The following UBE2Q2 variants were observed in gnomAD, a reference collection of about 807,000 sequenced individuals.
UBE2Q2 encodes the protein ubiquitin-conjugating enzyme E2 Q2.
In UBE2Q2, 54 loss-of-function variants were observed where a neutral mutation model predicts 59.9. That is an observed-to-expected ratio of 0.90 (90% CI 0.72 to 1.13). The LOEUF is 1.13. Among genes scored for constraint, UBE2Q2 ranks in the 50% most tolerant of loss-of-function variants. The pLI is 0.00. For missense variants in UBE2Q2, 433 were observed against 441.9 expected, an observed-to-expected ratio of 0.98 and a Z score of 0.18; for synonymous variants, 165 against 155.2, an observed-to-expected ratio of 1.06 and a Z score of -0.47.
At chr15:75,893,613 A>T (rs1439250787) in intron 11 of UBE2Q2, among the ~76,000 whole-genome samples, 1 of 152,220 alleles carries the variant, frequency 6.6e-6, no homozygotes, top group Non-Finnish European at 1.5e-5. Flanking sequence ...CTCTGTACCC[A>T]ATAATTAGAT....
chr15:75,863,412 G>T (rs1212853071), intron 3 of UBE2Q2, among the ~76,000 whole-genome samples: 2 of 151,668 alleles, frequency 1.3e-5, no homozygotes, highest in Non-Finnish European at 2.9e-5. Flanking sequence ...TATGTGTTCA[G>T]TATTCACTTT....
intron 1 of UBE2Q2, among the ~76,000 whole-genome samples, chr15:75,849,629 G>A (rs1334380217): frequency 6.6e-6 from 1 of 152,208 alleles, no homozygotes; most frequent in African/African-American, 2.4e-5. Flanking sequence ...TGGTGGGGAT[G>A]GTAGTGGTGA....
At chr15:75,846,818 A>G (rs1012188748) in intron 1 of UBE2Q2, among the ~76,000 whole-genome samples, 5 of 152,172 alleles carry the variant, frequency 3.3e-5, no homozygotes, top group Non-Finnish European at 5.9e-5. Context: ...TGTTTGAGAA[A>G]CTAAGTTGTT....
At chr15:75,858,897 T>A (rs1317942129) in intron 2 of UBE2Q2, among the ~76,000 whole-genome samples, 25 of 152,266 alleles carry the variant, frequency 1.6e-4, no homozygotes, top group Admixed American at 1.6e-3. Context: ...TTTGCTCCGT[T>A]GTCCACTTTG....
chr15:75,898,589 C>G (rs75175361), intron 12 of UBE2Q2, among the ~76,000 whole-genome samples: 2,572 of 152,216 alleles, frequency 0.017, 65 homozygotes, highest in African/African-American at 0.058. Flanking sequence ...TACAATAGCT[C>G]AAGATGGATT....
rs966869497 is a variant in UBE2Q2, at chr15:75,889,941, T to C, written c.885-494T>C. On this transcript the variant is annotated intron_variant, in intron 9 of 12. Transcript: ENST00000267938. ...GGAGTCCCAGAGAGAAGCTCCATGG[T>C]CAGAACCATTTGATTCTCACAACAG... Among the ~76,000 whole-genome samples the C allele has an allele frequency of 8.5e-5, 13 of 152,278 alleles. No homozygotes were observed. The East Asian group carries it at 2.1e-3, about 25-fold the overall frequency.
chr15:75,844,288 G>C, intron 1 of UBE2Q2: 2 of 1,542,618 alleles, frequency 1.3e-6, no homozygotes, highest in Non-Finnish European at 1.8e-6. Context: ...TTTTTCAGTC[G>C]GATTTTCCTT....
At chr15:75,846,928 A>C (rs1279897559) in intron 1 of UBE2Q2, among the ~76,000 whole-genome samples, 1 of 152,108 alleles carries the variant, frequency 6.6e-6, no homozygotes, top group East Asian at 1.9e-4. Context: ...TCCCTGTAGA[A>C]TGTGCCCCTG....
At chr15:75,847,423 C>T (rs1896410475) in intron 1 of UBE2Q2, among the ~76,000 whole-genome samples, 1 of 152,036 alleles carries the variant, frequency 6.6e-6, no homozygotes, top group Non-Finnish European at 1.5e-5. Context: ...ACTCTGTAGG[C>T]CAAGGGAATT....
At chr15:75,863,682 G>A (rs1897308093) in intron 3 of UBE2Q2, among the ~76,000 whole-genome samples, 1 of 150,040 alleles carries the variant, frequency 6.7e-6, no homozygotes, top group Non-Finnish European at 1.5e-5. Context: ...CTCGCCTGTC[G>A]CCCAGGATGG....
intron 3 of UBE2Q2, among the ~76,000 whole-genome samples, chr15:75,868,292 GGATATGAAAGTCC>G (rs1329251727): frequency 6.6e-6 from 1 of 152,164 alleles, no homozygotes; most frequent in Non-Finnish European, 1.5e-5. Context: ...TGTCAAAAAT[GGATATGAAAGTCC>G]TTCCTAAAAC....
chr15:75,882,661 G>A (rs1288525125), intron 8 of UBE2Q2, among the ~76,000 whole-genome samples: 1 of 151,878 alleles, frequency 6.6e-6, no homozygotes, highest in Non-Finnish European at 1.5e-5. Context: ...TTGTTAAGTT[G>A]GTATCTTGTG....
intron 12 of UBE2Q2, among the ~76,000 whole-genome samples, 184 bp downstream of exon 12, chr15:75,897,245 T>G (rs556055712): frequency 1.3e-5 from 2 of 152,088 alleles, no homozygotes; most frequent in South Asian, 4.1e-4. Context: ...TATTTTATTT[T>G]ATTTGTTTTT....
chr15:75,877,997 A>G lies in UBE2Q2; in HGVS notation c.710A>G (p.Tyr237Cys). ...GTGGAACTCATAAATGACAGTTTAT[A>G]TGACTGGCATGTTAAACTGCAGAAG... ...YSVELINDSLYDWHVKLQKVD... is the reference protein window; with the variant it reads ...YSVELINDSLCDWHVKLQKVD... The change falls in exon 7 of 13, where the codon TAT becomes TGT. Residue 237 changes from tyrosine (Y) to cysteine (C), a missense_variant. Physicochemically the swap from Tyr to Cys is radical, Grantham distance 194. Transcript: ENST00000267938. 6.2e-7 allele frequency: 1 copy of G among 1,613,866 alleles called. No homozygotes were observed. Among genetic ancestry groups the G allele is most frequent in the Non-Finnish European group, 8.5e-7 (1 of 1,179,888 alleles).
intron 1 of UBE2Q2, among the ~76,000 whole-genome samples, chr15:75,849,182 T>C (rs1212432148): frequency 6.6e-6 from 1 of 152,242 alleles, no homozygotes; most frequent in East Asian, 1.9e-4. Context: ...TATCTTTTGT[T>C]GTCAGAGCAG....
intron 6 of UBE2Q2, 133 bp from the exon 7 acceptor site, chr15:75,877,828 A>G (rs1408829104): frequency 7.9e-6 from 5 of 631,638 alleles, no homozygotes; most frequent in Non-Finnish European, 1.4e-5. Flanking sequence ...AATATTTACT[A>G]TATAGCTTAG....
chr15:75,878,707 A>C (rs897145045), intron 7 of UBE2Q2, among the ~76,000 whole-genome samples: 4 of 151,388 alleles, frequency 2.6e-5, no homozygotes, highest in Non-Finnish European at 5.9e-5. Context: ...TAGTGATTTA[A>C]GTTTTCATAG....
chr15:75,845,768 C>G (rs976808795), intron 1 of UBE2Q2, among the ~76,000 whole-genome samples: 14 of 152,088 alleles, frequency 9.2e-5, no homozygotes, highest in African/African-American at 3.4e-4. Context: ...AGAATTATCC[C>G]ACCTAAAGTG....
At chr15:75,897,643 AC>A (rs1899508654) in intron 12 of UBE2Q2, among the ~76,000 whole-genome samples, 1 of 148,296 alleles carries the variant, frequency 6.7e-6, no homozygotes, top group African/African-American at 2.5e-5. Flanking sequence ...CACTTTACTT[AC>A]TTGAAATATT....
Sources: allele counts gnomAD v4.1 joint callset (sites outside exome capture counted in the v4.1 genomes callset), GRCh38; gene constraint gnomAD v4.1.1; transcripts MANE v1.5; gene names NCBI Gene and HGNC (gene_info 2026-07-23, HGNC 2026-07-21).